Variants in KLHDC1 observed in about 807,000 individuals in gnomAD.
KLHDC1 encodes kelch domain-containing protein 1.
In KLHDC1, 53 loss-of-function variants were observed where a neutral mutation model predicts 68.3. That is an observed-to-expected ratio of 0.78 (90% CI 0.62 to 0.98). The LOEUF (loss-of-function observed/expected upper bound fraction) is 0.98, where lower values mean the gene tolerates loss of function less well. Among genes scored for constraint, KLHDC1 ranks in the 50% least tolerant of loss-of-function variants. The pLI is 0.00. For synonymous variants in KLHDC1, 148 were observed against 159.0 expected, an observed-to-expected ratio of 0.93 and a Z score of 0.52; for missense variants, 470 against 492.3, an observed-to-expected ratio of 0.95 and a Z score of 0.43.
intron 6 of KLHDC1, among the ~76,000 whole-genome samples, 188 bp downstream of exon 6, chr14:49,725,957 C>T (rs907292709): frequency 1.3e-5 from 2 of 152,128 alleles, no homozygotes; most frequent in African/African-American, 4.8e-5. Flanking sequence ...AGGTGGTTCT[C>T]CTGCCTCAGC....
At chr14:49,740,912 C>G (rs1445795837) in intron 11 of KLHDC1, among the ~76,000 whole-genome samples, 1 of 151,826 alleles carries the variant, frequency 6.6e-6, no homozygotes, top group Non-Finnish European at 1.5e-5. Flanking sequence ...CTGGCCAACA[C>G]AGCAAAAACC....
At chr14:49,717,207 A>C (rs77212206) in intron 4 of KLHDC1, among the ~76,000 whole-genome samples, 1 of 152,100 alleles carries the variant, frequency 6.6e-6, no homozygotes, top group African/African-American at 2.4e-5. Context: ...TCAGTTTTCA[A>C]TTCTTTTGAG....
At chr14:49,718,679 A>C (rs1274995871) in intron 4 of KLHDC1, among the ~76,000 whole-genome samples, 1 of 151,048 alleles carries the variant, frequency 6.6e-6, no homozygotes, top group African/African-American at 2.4e-5. Context: ...CTTTTTTCTT[A>C]GTGCAGCTGT....
intron 1 of KLHDC1, among the ~76,000 whole-genome samples, chr14:49,697,125 A>G (rs140488949): frequency 1.3e-5 from 2 of 152,012 alleles, no homozygotes; most frequent in African/African-American, 4.8e-5. Flanking sequence ...TTTAATAGAG[A>G]TGGGGTTTCA....
chr14:49,731,262 G>A (rs192710851), intron 8 of KLHDC1, among the ~76,000 whole-genome samples: 2 of 152,052 alleles, frequency 1.3e-5, no homozygotes, highest in East Asian at 3.9e-4. Flanking sequence ...CTTGGGAAAC[G>A]AGCAAAACGC....
intron 4 of KLHDC1, among the ~76,000 whole-genome samples, chr14:49,712,829 AGG>A (rs1888242306): frequency 6.6e-6 from 1 of 151,718 alleles, no homozygotes; most frequent in South Asian, 2.1e-4. Context: ...CAGTAGAGAC[AGG>A]GTTTCACCAT....
intron 1 of KLHDC1, chr14:49,700,013 T>A: frequency 2.8e-6 from 1 of 359,864 alleles, no homozygotes; most frequent in Non-Finnish European, 5.3e-6. Flanking sequence ...CAATTGATAA[T>A]ATGTTTTGCT....
At chr14:49,706,396 G>T (rs1888051189) in intron 1 of KLHDC1, among the ~76,000 whole-genome samples, 2 of 152,126 alleles carry the variant, frequency 1.3e-5, no homozygotes, top group Admixed American at 1.3e-4. Flanking sequence ...ATGGACACAA[G>T]TTGCTTCGAA....
At chr14:49,735,163 G>A (rs928761578) in intron 10 of KLHDC1, among the ~76,000 whole-genome samples, 2 of 151,774 alleles carry the variant, frequency 1.3e-5, no homozygotes, top group African/African-American at 4.8e-5. Flanking sequence ...AAGAAAATAC[G>A]TTATTTATGG....
intron 1 of KLHDC1, among the ~76,000 whole-genome samples, chr14:49,708,156 C>T (rs1594653924): frequency 6.6e-6 from 1 of 150,422 alleles, no homozygotes; most frequent in African/African-American, 2.5e-5. Context: ...CTGCAACCTC[C>T]GTCTCCCAGG....
intron 10 of KLHDC1, among the ~76,000 whole-genome samples, chr14:49,735,198 G>A (rs1421396631): frequency 6.6e-6 from 1 of 151,732 alleles, no homozygotes; most frequent in Non-Finnish European, 1.5e-5. Context: ...AAAAATTTTA[G>A]AAATTATATA....
intron 10 of KLHDC1, among the ~76,000 whole-genome samples, chr14:49,735,902 C>T (rs755066201): frequency 1.3e-5 from 2 of 152,018 alleles, no homozygotes; most frequent in Non-Finnish European, 2.9e-5. Context: ...GTAGTCCCAG[C>T]TACTCAGGAG....
chr14:49,735,472 A>T (rs1888909424), intron 10 of KLHDC1, among the ~76,000 whole-genome samples: 1 of 152,084 alleles, frequency 6.6e-6, no homozygotes, highest in African/African-American at 2.4e-5. Flanking sequence ...GAAAATATTT[A>T]TATTTATTTT....
chr14:49,724,024 T>C (rs780260748), intron 5 of KLHDC1, 72 bp downstream of exon 5: 9 of 815,054 alleles, frequency 1.1e-5, no homozygotes, highest in Non-Finnish European at 1.8e-5. Flanking sequence ...ATAATGAGTC[T>C]AGTCTTTCTC....
At chr14:49,729,945 A>G (rs1016850676) in intron 8 of KLHDC1, among the ~76,000 whole-genome samples, 62 of 152,320 alleles carry the variant, frequency 4.1e-4, no homozygotes, top group African/African-American at 1.5e-3. Context: ...AATTTGTATA[A>G]TGAGATGGAA....
At chr14:49,722,413 G>T (rs1888551218) in intron 4 of KLHDC1, among the ~76,000 whole-genome samples, 1 of 152,150 alleles carries the variant, frequency 6.6e-6, no homozygotes. Context: ...ATGGTTTCCA[G>T]CTTCATCCAT....
chr14:49,732,216 A>C (rs891879479), intron 8 of KLHDC1, among the ~76,000 whole-genome samples: 2 of 151,780 alleles, frequency 1.3e-5, no homozygotes, highest in Admixed American at 6.6e-5. Context: ...TCTGTCACCC[A>C]GGCTGGAGTG....
chr14:49,732,176 T>C (rs1337131877), intron 8 of KLHDC1, among the ~76,000 whole-genome samples: 2 of 151,964 alleles, frequency 1.3e-5, no homozygotes, highest in African/African-American at 4.8e-5. Flanking sequence ...GAATTGACTT[T>C]TTTTTTTTTT....
At chr14:49,695,919 A>T (rs1181749604) in intron 1 of KLHDC1, among the ~76,000 whole-genome samples, 3 of 152,048 alleles carry the variant, frequency 2.0e-5, no homozygotes, top group African/African-American at 7.2e-5. Context: ...AAAAAAAATT[A>T]GCCAGGCGTG....
Sources: gnomAD v4.1 joint callset for allele counts (sites outside exome capture counted in the v4.1 genomes callset) on GRCh38, gnomAD v4.1.1 for gene constraint, MANE v1.5 for transcripts, NCBI Gene and HGNC (gene_info 2026-07-23, HGNC 2026-07-21) for gene names.